The following MACROD2 variants were observed in gnomAD, a reference collection of about 807,000 sequenced individuals.
MACROD2 encodes the protein ADP-ribose glycohydrolase MACROD2.
MACROD2 carries 36 observed loss-of-function variants against 70.4 expected under a neutral mutation model. The ratio of observed to expected loss-of-function variants is 0.51; its 90% CI spans 0.39 to 0.68. The LOEUF is 0.68. Ranked by LOEUF, MACROD2 falls within the 30% of genes least tolerant of loss-of-function variation. The pLI, the probability that MACROD2 is intolerant of heterozygous loss-of-function variation, is 0.00. For missense variants in MACROD2, 496 were observed against 538.4 expected, an observed-to-expected ratio of 0.92 and a Z score of 0.78; for synonymous variants, 172 against 178.8, an observed-to-expected ratio of 0.96 and a Z score of 0.30.
intron 3 of MACROD2, among the ~76,000 whole-genome samples, chr20:14,369,770 C>G (rs1024481201): frequency 7.2e-5 from 11 of 152,258 alleles, no homozygotes; most frequent in African/African-American, 2.6e-4. Context: ...TCTAGGTCTT[C>G]TCTTTACTTC....
intron 8 of MACROD2, among the ~76,000 whole-genome samples, chr20:15,849,525 C>A (rs1224410721): frequency 6.6e-6 from 1 of 152,192 alleles, no homozygotes; most frequent in African/African-American, 2.4e-5. Context: ...CTTGGCATAG[C>A]ATTCTCATTT....
chr20:16,034,473 C>T (rs1021494814), intron 15 of MACROD2, among the ~76,000 whole-genome samples: 9 of 151,916 alleles, frequency 5.9e-5, no homozygotes, highest in African/African-American at 7.2e-5. Context: ...TTAAAAAGAA[C>T]ATAAATTCGT....
chr20:14,743,441 A>G (rs2071759871), intron 5 of MACROD2, among the ~76,000 whole-genome samples: 1 of 152,194 alleles, frequency 6.6e-6, no homozygotes, highest in African/African-American at 2.4e-5. Flanking sequence ...GCCTGAAAAA[A>G]AGACACAGAG....
intron 5 of MACROD2, among the ~76,000 whole-genome samples, chr20:15,016,595 G>A (rs1010280884): frequency 3.3e-5 from 5 of 152,134 alleles, no homozygotes; most frequent in South Asian, 4.2e-4. Context: ...AGCCTGGCAC[G>A]TCCCCCCTCT....
chr20:15,411,214 A>G (rs1006086170), intron 6 of MACROD2, among the ~76,000 whole-genome samples: 6 of 151,516 alleles, frequency 4.0e-5, no homozygotes, highest in Non-Finnish European at 7.4e-5. Context: ...TTTTTAAGCT[A>G]CCAACACAGA....
At position 14,656,664 on chromosome 20, in the gene MACROD2, C is replaced by T. The variant is rs139191184; in HGVS notation, c.302-28179C>T. On this transcript the variant is annotated intron_variant, in intron 4 of 17. Transcript: ENST00000684519. Reference sequence around the variant, plus strand: ...GCATTATGACTAAAACGCGTGTCTCCGAGTTGTTGCTGGAGAAATGGCCGG... The same window carrying T: ...GCATTATGACTAAAACGCGTGTCTCTGAGTTGTTGCTGGAGAAATGGCCGG... Among the ~76,000 whole-genome samples the T allele has an allele frequency of 3.5e-3, 535 of 152,220 alleles. 6 individuals carry two copies. The highest frequency in any genetic ancestry group is 0.012 in the African/African-American group (503 of 41,532).
intron 5 of MACROD2, among the ~76,000 whole-genome samples, chr20:15,223,566 T>C (rs1453213469): frequency 6.6e-6 from 1 of 152,248 alleles, no homozygotes; most frequent in Admixed American, 6.5e-5. Context: ...ATCTCATGTT[T>C]CAATCTTTGG....
intron 5 of MACROD2, among the ~76,000 whole-genome samples, chr20:14,692,540 C>G (rs1057122835): frequency 6.6e-6 from 1 of 152,190 alleles, no homozygotes; most frequent in Non-Finnish European, 1.5e-5. Flanking sequence ...AGAGTTGGCT[C>G]TTGATACATA....
intron 6 of MACROD2, among the ~76,000 whole-genome samples, chr20:15,303,532 A>G (rs1162249749): frequency 6.6e-6 from 1 of 151,916 alleles, no homozygotes. Context: ...CATTGTTTTT[A>G]CTCTAGTTCA....
At chr20:14,020,473 C>CA in intron 2 of MACROD2, among the ~76,000 whole-genome samples, 1 of 151,792 alleles carries the variant, frequency 6.6e-6, no homozygotes, top group South Asian at 2.1e-4. Flanking sequence ...AACTCCATCT[C>CA]AAAAAAAATA....
intron 8 of MACROD2, among the ~76,000 whole-genome samples, chr20:15,709,566 C>G (rs1299328505): frequency 6.6e-6 from 1 of 152,148 alleles, no homozygotes. Context: ...ACTCGGGAAG[C>G]TGAGGTGGGA....
chr20:14,333,448 T>C (rs1397924914), intron 3 of MACROD2, among the ~76,000 whole-genome samples: 1 of 152,082 alleles, frequency 6.6e-6, no homozygotes, highest in Non-Finnish European at 1.5e-5. Context: ...CCAAAGTAAA[T>C]GAATTAGAGA....
chr20:15,698,017 CTCTG>C (rs1184788485), intron 8 of MACROD2, among the ~76,000 whole-genome samples: 1 of 152,182 alleles, frequency 6.6e-6, no homozygotes, highest in Non-Finnish European at 1.5e-5. Flanking sequence ...TTCTGCAGTT[CTCTG>C]TCTTTCAAGT....
In MACROD2 at chr20:15,885,800, A is replaced by C. The variant is rs770899492; in HGVS notation, c.764A>C (p.Lys255Thr). The stretch of plus-strand genomic sequence containing the variant: ...GAAGAAGAAGAGGATGTTGAAATGA[A>C]AGAAGATTCAGGTATTAAATTCATA... ...NNEEEEDVEM[K>T]EDSDENGPEE... The change falls in exon 10 of 18, where the codon AAA becomes ACA. Residue 255 changes from lysine to threonine, a missense_variant. By Grantham distance (78) the Lys-to-Thr change is moderately conservative. Transcript: ENST00000684519. 2 of 1,499,944 alleles carry C rather than the reference A, an allele frequency of 1.3e-6. No individual in the cohort carries two copies. The highest frequency in any genetic ancestry group is 2.6e-5 in the South Asian group (2 of 76,128). 92.9% of individuals were successfully genotyped at this position (1,499,944 alleles called of 1,614,324 possible). A position where few individuals can be genotyped will look rare whatever the true frequency, so the allele number is the denominator to read the frequency against.
intron 4 of MACROD2, among the ~76,000 whole-genome samples, chr20:14,602,902 G>T (rs1377336519): frequency 6.6e-6 from 1 of 152,108 alleles, no homozygotes; most frequent in African/African-American, 2.4e-5. Flanking sequence ...AAATGATTCT[G>T]TGTCCCTCTG....
At chr20:15,325,316 A>T (rs982103894) in intron 6 of MACROD2, among the ~76,000 whole-genome samples, 4 of 152,176 alleles carry the variant, frequency 2.6e-5, no homozygotes, top group Non-Finnish European at 1.5e-5. Flanking sequence ...TTTAGTTAAG[A>T]ATATTTACAA....
At chr20:14,593,392 G>A (rs1246906344) in intron 4 of MACROD2, among the ~76,000 whole-genome samples, 1 of 152,128 alleles carries the variant, frequency 6.6e-6, no homozygotes, top group Admixed American at 6.5e-5. Context: ...GTGAGGTGAG[G>A]GAGGGAAGAA....
intron 10 of MACROD2, among the ~76,000 whole-genome samples, chr20:15,923,089 A>G (rs539680577): frequency 6.6e-6 from 1 of 152,332 alleles, no homozygotes; most frequent in Admixed American, 6.5e-5. Flanking sequence ...GCCACATGTA[A>G]TTAACAAAAA....
At chr20:15,529,550 T>C (rs2047768217) in intron 8 of MACROD2, among the ~76,000 whole-genome samples, 1 of 152,078 alleles carries the variant, frequency 6.6e-6, no homozygotes, top group Non-Finnish European at 1.5e-5. Flanking sequence ...AGGCTTCTTT[T>C]AGACAACAAA....
Sources: allele counts gnomAD v4.1 joint callset (sites outside exome capture counted in the v4.1 genomes callset), GRCh38; gene constraint gnomAD v4.1.1; transcripts MANE v1.5; gene names NCBI Gene and HGNC (gene_info 2026-07-23, HGNC 2026-07-21).